ULK4: variants seen among roughly 807,000 people sequenced by gnomAD.
ULK4 encodes inactive serine/threonine-protein kinase ULK4.
A neutral mutation model predicts 160.6 loss-of-function variants in ULK4; 133 were observed. That is an observed-to-expected ratio of 0.83 (90% CI 0.72 to 0.96). ULK4 has a LOEUF of 0.96. Among genes scored for constraint, ULK4 ranks in the 40% least tolerant of loss-of-function variants. ULK4 has a pLI of 0.00. For synonymous variants in ULK4, 534 were observed against 539.8 expected, an observed-to-expected ratio of 0.99 and a Z score of 0.15; for missense variants, 1,580 against 1,499.5, an observed-to-expected ratio of 1.05 and a Z score of -0.89.
intron 17 of ULK4, among the ~76,000 whole-genome samples, chr3:41,858,147 GTTTTTT>G (rs71288052): frequency 0.089 from 8,229 of 92,058 alleles, 943 homozygotes; most frequent in African/African-American, 0.29. Context: ...TTTTTTGTTT[GTTTTTT>G]TTTTTTTTTT....
chr3:41,538,215 T>G (rs2086576175), intron 32 of ULK4, among the ~76,000 whole-genome samples: 2 of 152,108 alleles, frequency 1.3e-5, no homozygotes, highest in Admixed American at 6.6e-5. Context: ...CATATTAGAG[T>G]CTAGAGATAT....
At chr3:41,469,803 A>G (rs77575055) in intron 32 of ULK4, among the ~76,000 whole-genome samples, 72 of 150,944 alleles carry the variant, frequency 4.8e-4, no homozygotes, top group Admixed American at 3.2e-3. Flanking sequence ...TAGAGACAAT[A>G]CTGAACTGAA....
At chr3:41,311,851 A>G (rs987173505) in intron 35 of ULK4, among the ~76,000 whole-genome samples, 4 of 147,876 alleles carry the variant, frequency 2.7e-5, no homozygotes, top group Admixed American at 1.3e-4. Context: ...ACAGGCATGA[A>G]CCACTGCACC....
At chr3:41,544,878 G>A (rs2086807102) in intron 32 of ULK4, among the ~76,000 whole-genome samples, 1 of 152,148 alleles carries the variant, frequency 6.6e-6, no homozygotes, top group African/African-American at 2.4e-5. Context: ...CCTCTACAGT[G>A]TTTTTGAAGC....
At position 41,406,902 on chromosome 3, in the gene ULK4, C is replaced by T. The variant is rs1000171061; in HGVS notation, c.3493-8638G>A. 3.9e-5 allele frequency among the ~76,000 whole-genome samples: 6 copies of T among 152,154 alleles called. No individual in the cohort carries two copies. The South Asian group carries it at 1.0e-3, about 26-fold the overall frequency. On this transcript the variant is annotated intron_variant, in intron 34 of 36. Transcript: ENST00000301831. ...GAACGGTTGTCCCTAAGAGATGGGACACAAATAGGGTGAGAGGTCTCCTAT... is the reference window on the plus strand; with the variant it reads ...GAACGGTTGTCCCTAAGAGATGGGATACAAATAGGGTGAGAGGTCTCCTAT...
chr3:41,672,860 AG>A (rs2035584311), intron 29 of ULK4, among the ~76,000 whole-genome samples: 1 of 152,162 alleles, frequency 6.6e-6, no homozygotes, highest in Non-Finnish European at 1.5e-5. Flanking sequence ...TTTTTGAGAC[AG>A]GGTCTCATTC....
chr3:41,830,400 G>A lies in ULK4; in HGVS notation c.1764+5464C>T, dbSNP rs556657244. On this transcript the variant is annotated intron_variant, in intron 18 of 36. Transcript: ENST00000301831. ...CTATCTGCATAAGATTCTAGAAAAC[G>A]AAAACAAGTCTATATAAAGAAAGCA... Among the ~76,000 whole-genome samples, 11 of 151,954 alleles carry A rather than the reference G, an allele frequency of 7.2e-5. No individual in the cohort carries two copies. In the South Asian group the frequency reaches 8.3e-4, roughly 12 times the overall value.
intron 32 of ULK4, among the ~76,000 whole-genome samples, chr3:41,526,606 C>T (rs1463576230): frequency 2.0e-5 from 3 of 152,236 alleles, no homozygotes; most frequent in Non-Finnish European, 2.9e-5. Flanking sequence ...AGGGACATCA[C>T]TGCCTGGCTG....
At chr3:41,278,508 C>A (rs1319539398) in intron 35 of ULK4, among the ~76,000 whole-genome samples, 1 of 152,160 alleles carries the variant, frequency 6.6e-6, no homozygotes. Flanking sequence ...GGTCGCTGAC[C>A]CCTGTGTAGC....
intron 35 of ULK4, among the ~76,000 whole-genome samples, chr3:41,325,788 G>A (rs2080328989): frequency 1.3e-5 from 2 of 151,846 alleles, no homozygotes; most frequent in Admixed American, 6.6e-5. Flanking sequence ...GCATGGTGGT[G>A]GGCACCTGTA....
At chr3:41,291,367 T>G (rs2079558264) in intron 35 of ULK4, among the ~76,000 whole-genome samples, 1 of 52,100 alleles carries the variant, frequency 1.9e-5, no homozygotes, top group African/African-American at 7.4e-5. Flanking sequence ...AAAGAAAAAG[T>G]AAAGAAGAAA....
At chr3:41,461,814 C>T (rs978231656) in intron 33 of ULK4, among the ~76,000 whole-genome samples, 5 of 152,090 alleles carry the variant, frequency 3.3e-5, no homozygotes, top group Admixed American at 3.3e-4. Context: ...ATCAAGGTAT[C>T]CTGTAAAAGT....
At chr3:41,749,901 A>T (rs1396580877) in intron 22 of ULK4, among the ~76,000 whole-genome samples, 3 of 152,160 alleles carry the variant, frequency 2.0e-5, no homozygotes, top group African/African-American at 7.2e-5. Flanking sequence ...GGCCACCAAG[A>T]GAAAGTAAAC....
At chr3:41,569,912 T>TG (rs1398053849) in intron 31 of ULK4, among the ~76,000 whole-genome samples, 1 of 152,174 alleles carries the variant, frequency 6.6e-6, no homozygotes, top group Non-Finnish European at 1.5e-5. Flanking sequence ...AAATGACACT[T>TG]GCTTTGGCCA....
chr3:41,808,316 A>G (rs997506800), intron 19 of ULK4, among the ~76,000 whole-genome samples: 1 of 152,206 alleles, frequency 6.6e-6, no homozygotes, highest in Admixed American at 6.5e-5. Context: ...ATTGTCAGTC[A>G]GTTCCTAGGA....
intron 31 of ULK4, among the ~76,000 whole-genome samples, chr3:41,606,544 C>G (rs1231337351): frequency 6.6e-6 from 1 of 151,990 alleles, no homozygotes; most frequent in Non-Finnish European, 1.5e-5. Context: ...AAGAAATCTT[C>G]ATACCATTTT....
intron 27 of ULK4, 54 bp downstream of exon 27, chr3:41,705,003 G>A (rs2125827444): frequency 7.0e-7 from 1 of 1,432,814 alleles, no homozygotes; most frequent in Non-Finnish European, 9.6e-7. Flanking sequence ...CTTTATATAA[G>A]GAATTACCAA....
At chr3:41,481,964 T>G (rs1795323) in intron 32 of ULK4, among the ~76,000 whole-genome samples, 74,348 of 151,908 alleles carry the variant, frequency 0.49, 18,293 homozygotes, top group East Asian at 0.68. Flanking sequence ...TATGATTTTT[T>G]TTGTTGTTGT....
At chr3:41,628,474 A>C (rs1262587491) in intron 30 of ULK4, among the ~76,000 whole-genome samples, 3 of 152,168 alleles carry the variant, frequency 2.0e-5, no homozygotes, top group Non-Finnish European at 2.9e-5. Flanking sequence ...TCTTGCCAAA[A>C]ATGCATGACC....
Sources: allele counts gnomAD v4.1 joint callset (sites outside exome capture counted in the v4.1 genomes callset), GRCh38; gene constraint gnomAD v4.1.1; transcripts MANE v1.5; gene names NCBI Gene and HGNC (gene_info 2026-07-23, HGNC 2026-07-21).